EYS: variants seen among roughly 807,000 people sequenced by gnomAD.
EYS encodes EGF-like photoreceptor maintenance factor, also known as protein eyes shut homolog.
In EYS, 250 loss-of-function variants were observed where a neutral mutation model predicts 282.1. That is an observed-to-expected ratio of 0.89 (90% confidence interval 0.80 to 0.98). The LOEUF is 0.98. Among genes scored for constraint, EYS ranks in the 50% least tolerant of loss-of-function variants. EYS has a pLI of 0.00. For synonymous variants in EYS, 1,355 were observed against 1,282.9 expected, an observed-to-expected ratio of 1.06 and a Z score of -1.20; for missense variants, 4,016 against 3,709.0, an observed-to-expected ratio of 1.08 and a Z score of -2.15.
intron 16 of EYS, among the ~76,000 whole-genome samples, chr6:64,903,508 C>T (rs73767160): frequency 0.056 from 8,529 of 152,202 alleles, 397 homozygotes; most frequent in African/African-American, 0.13. Flanking sequence ...CTTCCTTTTA[C>T]AGTACATGTC....
At chr6:64,072,147 CAG>C (rs894339381) in intron 32 of EYS, among the ~76,000 whole-genome samples, 1 of 151,798 alleles carries the variant, frequency 6.6e-6, no homozygotes, top group African/African-American at 2.4e-5. Context: ...AGTAAGGAAA[CAG>C]ATAAAACAAC....
chr6:63,898,166 A>G (rs1038627199), intron 35 of EYS, among the ~76,000 whole-genome samples: 3 of 152,148 alleles, frequency 2.0e-5, no homozygotes, highest in Non-Finnish European at 4.4e-5. Context: ...TTTTTTCCTA[A>G]CTAAATCACA....
intron 31 of EYS, among the ~76,000 whole-genome samples, chr6:64,184,226 G>A (rs942843619): frequency 8.6e-5 from 13 of 152,022 alleles, no homozygotes; most frequent in African/African-American, 2.7e-4. Context: ...CAAGTGTCTC[G>A]TCTGTGTTTC....
At chr6:65,422,292 T>A (rs572845139) in intron 5 of EYS, among the ~76,000 whole-genome samples, 3 of 151,924 alleles carry the variant, frequency 2.0e-5, no homozygotes, top group Admixed American at 6.6e-5. Flanking sequence ...GAAGTTATTG[T>A]AACTTGATAC....
chr6:64,097,975 T>C (rs1772690490), intron 31 of EYS, among the ~76,000 whole-genome samples: 1 of 152,206 alleles, frequency 6.6e-6, no homozygotes, highest in African/African-American at 2.4e-5. Flanking sequence ...CACTATTAGG[T>C]ATCATAATTT....
intron 29 of EYS, among the ~76,000 whole-genome samples, chr6:64,307,920 T>A (rs1303363038): frequency 6.6e-6 from 1 of 152,070 alleles, no homozygotes; most frequent in Non-Finnish European, 1.5e-5. Flanking sequence ...CAAAAGTTAC[T>A]CATGCCTATA....
chr6:64,054,425 G>C (rs1770914370), intron 33 of EYS, among the ~76,000 whole-genome samples: 1 of 152,154 alleles, frequency 6.6e-6, no homozygotes, highest in Non-Finnish European at 1.5e-5. Context: ...GGACAGTAGA[G>C]ATTATGGCTT....
At chr6:65,542,192 T>G (rs1226033138) in intron 2 of EYS, among the ~76,000 whole-genome samples, 1 of 152,138 alleles carries the variant, frequency 6.6e-6, no homozygotes, top group Non-Finnish European at 1.5e-5. Context: ...TGGGATTATT[T>G]CCAGGCACTT....
chr6:64,096,753 G>C (rs992681125), intron 31 of EYS, among the ~76,000 whole-genome samples: 2 of 152,100 alleles, frequency 1.3e-5, no homozygotes, highest in African/African-American at 2.4e-5. Context: ...CTCTCAATTC[G>C]TCAAAGTCAT....
chr6:64,496,192 T>C (rs1287462752), intron 26 of EYS, among the ~76,000 whole-genome samples: 3 of 151,920 alleles, frequency 2.0e-5, no homozygotes, highest in Non-Finnish European at 4.4e-5. Context: ...CTTAACCTGA[T>C]ACCATGGAAT....
chr6:64,580,119 C>A (rs1250714078), intron 26 of EYS, among the ~76,000 whole-genome samples: 1 of 152,100 alleles, frequency 6.6e-6, no homozygotes, highest in Non-Finnish European at 1.5e-5. Flanking sequence ...GCTAAGCCTT[C>A]TTAACCTATA....
intron 2 of EYS, among the ~76,000 whole-genome samples, chr6:65,547,486 T>C (rs1768435957): frequency 6.6e-6 from 1 of 152,058 alleles, no homozygotes; most frequent in Admixed American, 6.6e-5. Context: ...AGATAAAATA[T>C]GTTCCTGATT....
Position 64,198,035 on chromosome 6 carries a change from C to G in EYS, c.6424+32557G>C, listed in dbSNP as rs374696943. Among the ~76,000 whole-genome samples the G allele has an allele frequency of 1.3e-4, 19 of 151,812 alleles. No individual in the cohort carries two copies. The East Asian group carries it at 3.3e-3, about 26-fold the overall frequency. On this transcript the variant is annotated intron_variant, in intron 31 of 42. Transcript: ENST00000503581. ...TGAGACGGAGTCTCGCTCTGTTGCC[C>G]AGGCTGGAGTGCAGTGGCGTGATCT...
Position 63,762,332 on chromosome 6 carries a change from G to A in EYS, c.8071+129C>T, listed in dbSNP as rs1042657866. ...GTGAAGTATAATGTCAAATATACTA[G>A]AAAAAGAGGACAGTGGATTTGAATT... On this transcript the variant is annotated intron_variant, in intron 41 of 42. Coordinates refer to ENST00000503581, the MANE Select transcript of EYS (RefSeq NM_001142800.2). The A allele has an allele frequency of 7.1e-6, 6 of 850,828 alleles. No individual in the cohort carries two copies. The Admixed American group carries it at 8.4e-5, about 12-fold the overall frequency. The allele number at this position is 850,828 out of a possible 1,614,324, so 52.7% of individuals were successfully genotyped here. A position where few individuals can be genotyped will look rare whatever the true frequency, so the allele number is the denominator to read the frequency against.
chr6:64,898,079 C>T (rs1447113416), intron 18 of EYS, among the ~76,000 whole-genome samples: 3 of 152,078 alleles, frequency 2.0e-5, no homozygotes, highest in South Asian at 4.1e-4. Context: ...GTCAGGCCAA[C>T]ATTCAAATTC....
At chr6:64,243,201 C>A (rs1766893459) in intron 30 of EYS, among the ~76,000 whole-genome samples, 1 of 151,916 alleles carries the variant, frequency 6.6e-6, no homozygotes, top group Admixed American at 6.6e-5. Flanking sequence ...TGCCAAGGGG[C>A]AATCACTCTC....
chr6:65,222,557 T>C (rs1393290551), intron 12 of EYS, among the ~76,000 whole-genome samples: 1 of 152,232 alleles, frequency 6.6e-6, no homozygotes, highest in Non-Finnish European at 1.5e-5. Flanking sequence ...AGTATGTCTT[T>C]ATTAGTAGCA....
At chr6:63,924,775 T>C (rs2149746165) in intron 35 of EYS, among the ~76,000 whole-genome samples, 1 of 152,368 alleles carries the variant, frequency 6.6e-6, no homozygotes, top group Middle Eastern at 3.4e-3. Flanking sequence ...ATGAATAAAC[T>C]AGATTTTCAA....
At chr6:65,271,128 T>TTTTATATATATATA (rs1189830101) in intron 12 of EYS, among the ~76,000 whole-genome samples, 3 of 55,788 alleles carry the variant, frequency 5.4e-5, no homozygotes, top group East Asian at 8.9e-4. Flanking sequence ...AATCAATAGA[T>TTTTATATATATATA]TATATATATA....
Sources: allele counts gnomAD v4.1 joint callset (sites outside exome capture counted in the v4.1 genomes callset), GRCh38; gene constraint gnomAD v4.1.1; transcripts MANE v1.5; gene names NCBI Gene and HGNC (gene_info 2026-07-23, HGNC 2026-07-21).